The following HECTD4 variants were observed in gnomAD, a reference collection of about 807,000 sequenced individuals.
HECTD4 encodes the protein probable E3 ubiquitin-protein ligase HECTD4.
A neutral mutation model predicts 471.5 loss-of-function variants in HECTD4; 114 were observed. The observed-to-expected ratio is 0.24, with a 90% CI of 0.21 to 0.28. The LOEUF (loss-of-function observed/expected upper bound fraction) is 0.28, where lower values mean the gene tolerates loss of function less well. Ranked by LOEUF, HECTD4 falls within the 10% of genes least tolerant of loss-of-function variation. The pLI is 1.00. For missense variants in HECTD4, 3,866 were observed against 5,651.5 expected, an observed-to-expected ratio of 0.68 and a Z score of 10.13; for synonymous variants, 2,012 against 2,256.0, an observed-to-expected ratio of 0.89 and a Z score of 3.07.
Position 112,184,967 on chromosome 12 carries a change from G to A in HECTD4, c.9999C>T (p.Thr3333=), listed in dbSNP as rs550945936. The A allele has an allele frequency of 2.5e-6, 4 of 1,613,436 alleles. No homozygotes were observed. The highest frequency in any genetic ancestry group is 4.5e-5 in the East Asian group (2 of 44,858). ...TGAGCACGGTGGGGTCCGAGTCCAC[G>A]GTGCGGGAAGACTGGCGCTTGCCCG... ...SSSGKRQSSR[T]VDSDPTVLSI... The change falls in exon 61 of 76, where the codon ACC becomes ACT. Residue 3333 remains threonine, a synonymous_variant. Coordinates refer to ENST00000682272, the MANE Select transcript of HECTD4 (RefSeq NM_001388303.1). The surrounding 1 kb of genome is among the most constrained non-coding windows in gnomAD (Gnocchi z 9.1).
chr12:112,189,961 C>G (rs569850633), intron 60 of HECTD4, among the ~76,000 whole-genome samples: 2 of 152,292 alleles, frequency 1.3e-5, no homozygotes, highest in South Asian at 4.1e-4. Flanking sequence ...TCATGTTGGT[C>G]AGGCTGGTCT....
chr12:112,354,230 T>C (rs1163079752), intron 1 of HECTD4, among the ~76,000 whole-genome samples: 1 of 152,012 alleles, frequency 6.6e-6, no homozygotes, highest in Admixed American at 6.6e-5. Flanking sequence ...CCAGCTAATT[T>C]TTTAATTTTT....
In HECTD4 at chr12:112,228,672, G is replaced by A. The variant is rs1304705257; in HGVS notation, c.6659C>T (p.Ser2220Phe). 1 of 1,607,072 alleles carries A rather than the reference G, an allele frequency of 6.2e-7. No individual in the cohort carries two copies. The highest frequency in any genetic ancestry group is 1.3e-5 in the African/African-American group (1 of 74,458). ...QASDTLTIPLSRLCVPRSEAL... is the reference protein window; with the variant it reads ...QASDTLTIPLFRLCVPRSEAL... ...CTCTGATCTTGGAACACAAAGTCTA[G>A]ACAATGGAATAGTCAATGTGTCTGA... The change falls in exon 42 of 76, where the codon TCT (serine) becomes TTT (phenylalanine). Residue 2220 changes from serine to phenylalanine, a missense_variant. Around this residue, in one of 16 missense-constraint regions of HECTD4, gnomAD observed 617 missense variants for 915.1 expected, o/e 0.67. Transcript: ENST00000682272. This position sits in a 1 kb window ranked among gnomAD's most constrained non-coding sequence, Gnocchi z 4.9.
At chr12:112,229,939 G>C in intron 40 of HECTD4, 59 bp from the exon 41 acceptor site, 1 of 1,477,380 alleles carries the variant, frequency 6.8e-7, no homozygotes, top group East Asian at 2.4e-5. Context: ...TTGATGCCAA[G>C]GGTGATAAAG....
At chr12:112,340,821 A>G (rs2036041740) in intron 1 of HECTD4, among the ~76,000 whole-genome samples, 1 of 152,198 alleles carries the variant, frequency 6.6e-6, no homozygotes, top group Non-Finnish European at 1.5e-5. Flanking sequence ...CATGTGCCGA[A>G]TTTGACAAAT....
rs2031950779 is a variant in HECTD4, at chr12:112,188,204, A to C, written c.9472+2582T>G. Among the ~76,000 whole-genome samples the C allele has an allele frequency of 6.6e-6, 1 of 152,144 alleles. No homozygotes were observed. Among genetic ancestry groups the C allele is most frequent in the Non-Finnish European group, 1.5e-5 (1 of 68,024 alleles). On this transcript the variant is annotated intron_variant, in intron 60 of 75. Transcript: ENST00000682272. The surrounding 1 kb of genome is among the most constrained non-coding windows in gnomAD (Gnocchi z 4.2). ...CTCAGGAGGCTGGGGCAGGAGAATCACTTGAACCCAGGAGGTGGAAGTTGC... is the reference window on the plus strand; with the variant it reads ...CTCAGGAGGCTGGGGCAGGAGAATCCCTTGAACCCAGGAGGTGGAAGTTGC...
chr12:112,273,583 C>A, intron 11 of HECTD4, 72 bp downstream of exon 11: 1 of 1,428,280 alleles, frequency 7.0e-7, no homozygotes. Flanking sequence ...ATGTTTTCAC[C>A]TACTAATGCT....
At chr12:112,335,623 G>A (rs1327252811) in intron 1 of HECTD4, among the ~76,000 whole-genome samples, 1 of 152,086 alleles carries the variant, frequency 6.6e-6, no homozygotes, top group Admixed American at 6.6e-5. Context: ...AGGAAGCGGA[G>A]GTTGCAGTGA....
At chr12:112,211,285 A>G (rs1424674059) in intron 49 of HECTD4, among the ~76,000 whole-genome samples, 2 of 152,120 alleles carry the variant, frequency 1.3e-5, no homozygotes, top group African/African-American at 4.8e-5. Context: ...GTGCAATCAT[A>G]ACGCATTGCA....
At chr12:112,347,269 G>A (rs993468713) in intron 1 of HECTD4, among the ~76,000 whole-genome samples, 4 of 152,070 alleles carry the variant, frequency 2.6e-5, no homozygotes, top group Non-Finnish European at 4.4e-5. Flanking sequence ...CAGGACTTTC[G>A]GAGGCCGAGG....
intron 1 of HECTD4, among the ~76,000 whole-genome samples, chr12:112,363,489 T>C (rs1242133710): frequency 2.6e-5 from 4 of 152,092 alleles, no homozygotes; most frequent in African/African-American, 4.8e-5. Context: ...GCAAAATAAA[T>C]AGAATAGTGC....
Position 112,247,061 on chromosome 12 carries a change from T to G in HECTD4, c.4353A>C (p.Gln1451His). ...MVLSLREKFL[Q>H]EVNSLIQKPS... ...GTTTCTGAATAAGAGAATTCACTTC[T>G]TGTAGGAACTTCTCCCTATAAAGAA... The change falls in exon 29 of 76, where the codon CAA (glutamine) becomes CAC (histidine). Residue 1451 changes from glutamine (Q) to histidine (H), a missense_variant. Physicochemically the swap from Gln to His is conservative, Grantham distance 24 (BLOSUM62 0). This residue lies in a region of HECTD4 where 281 missense variants were observed against 499.9 expected (regional missense o/e 0.56). Transcript: ENST00000682272. 1 of 1,605,360 alleles carries G rather than the reference T, an allele frequency of 6.2e-7. No individual in the cohort carries two copies. The highest frequency in any genetic ancestry group is 8.5e-7 in the Non-Finnish European group (1 of 1,176,060).
At chr12:112,278,188 A>G (rs2034565219) in intron 9 of HECTD4, among the ~76,000 whole-genome samples, 1 of 152,186 alleles carries the variant, frequency 6.6e-6, no homozygotes, top group South Asian at 2.1e-4. Context: ...AGATTGGTAG[A>G]TGCCAGGGGT....
chr12:112,285,489 C>T (rs7962006), intron 7 of HECTD4, among the ~76,000 whole-genome samples: 2 of 152,154 alleles, frequency 1.3e-5, no homozygotes, highest in Non-Finnish European at 2.9e-5. Flanking sequence ...CTACACAGCA[C>T]GTACTACTCT....
rs2034069017 is a variant in HECTD4, at chr12:112,258,276, C to T, written c.3128+220G>A. 3 of 367,070 alleles carry T rather than the reference C, an allele frequency of 8.2e-6. No homozygotes were observed. The East Asian group carries it at 1.3e-4, about 15-fold the overall frequency. 22.7% of individuals were successfully genotyped at this position (367,070 alleles called of 1,614,324 possible). Reference sequence around the variant, plus strand: ...CTATTAGCATATGAGAATTTCAGATCAATTTTGAACTAATCTCTTGATCCA... The same window carrying T: ...CTATTAGCATATGAGAATTTCAGATTAATTTTGAACTAATCTCTTGATCCA... On this transcript the variant is annotated intron_variant, in intron 20 of 75. Transcript: ENST00000682272.
At chr12:112,172,918 T>C (rs2031287515) in intron 66 of HECTD4, 57 bp from the exon 67 acceptor site, 5 of 1,456,684 alleles carry the variant, frequency 3.4e-6, no homozygotes, top group Non-Finnish European at 4.8e-6. Flanking sequence ...CCGGGATGAC[T>C]GTTGCATTTC....
chr12:112,305,233 A>G (rs893134357), intron 7 of HECTD4, among the ~76,000 whole-genome samples: 4 of 152,182 alleles, frequency 2.6e-5, no homozygotes, highest in African/African-American at 7.2e-5. Flanking sequence ...AAATTTAAAT[A>G]GCAACGTATG....
Position 112,314,536 on chromosome 12 carries a change from T to C in HECTD4, c.706A>G (p.Lys236Glu), listed in dbSNP as rs1426423077. 4.6e-6 allele frequency: 7 copies of C among 1,508,852 alleles called. No individual in the cohort carries two copies. Among genetic ancestry groups the C allele is most frequent in the Non-Finnish European group, 4.5e-6 (5 of 1,122,226 alleles). 93.5% of individuals were successfully genotyped at this position (1,508,852 alleles called of 1,614,324 possible). ...VALACARGSLKTFVHTVHLLQ... is the reference protein window; with the variant it reads ...VALACARGSLETFVHTVHLLQ... ...AGATGGACTGTGTGGACGAAAGTTT[T>C]CAATGATCCCCTAAAAATAAAAGGA... is the stretch of plus-strand genomic sequence containing the variant. Residue 236 changes from lysine to glutamate, a missense_variant, in exon 3 of 76, where the codon AAA becomes GAA. Lys to Glu is a moderately conservative substitution (Grantham distance 56). Transcript: ENST00000682272.
At position 112,283,201 on chromosome 12, in the gene HECTD4, A is replaced by G. The variant is rs751799146; in HGVS notation, c.1437T>C (p.Ser479=). 6.2e-7 allele frequency: 1 copy of G among 1,613,860 alleles called. No homozygotes were observed. The highest frequency in any genetic ancestry group is 2.2e-5 in the East Asian group (1 of 44,884). ...SAKSINEMLL[S]RLSRYRASPS... is the part of the protein sequence containing the mutation. The stretch of plus-strand genomic sequence containing the variant: ...GGGAGGCTCTATACCGAGAAAGTCT[A>G]CTTAGAAGCATCTCATTAATGCTTT... The change falls in exon 8 of 76, where the codon AGT becomes AGC. Residue 479 remains serine, a synonymous_variant. Transcript: ENST00000682272.
Sources: gnomAD v4.1 joint callset for allele counts (sites outside exome capture counted in the v4.1 genomes callset) on GRCh38, gnomAD v4.1.1 for gene constraint, gnomAD v4.1.1 regional missense constraint, Gnocchi (gnomAD v3.1) non-coding constraint, MANE v1.5 for transcripts, NCBI Gene and HGNC (gene_info 2026-07-23, HGNC 2026-07-21) for gene names.